LRRC27: variants seen among roughly 807,000 people sequenced by gnomAD.
The protein encoded by LRRC27 is leucine rich repeat containing 27.
A neutral mutation model predicts 55.0 loss-of-function variants in LRRC27; 57 were observed. That is an observed-to-expected ratio of 1.04 (90% CI 0.84 to 1.29). LRRC27 has a LOEUF of 1.29. Ranked by LOEUF, LRRC27 falls within the 50% of genes most tolerant of loss-of-function variation. The pLI is 0.00. For synonymous variants in LRRC27, 278 were observed against 251.9 expected, an observed-to-expected ratio of 1.10 and a Z score of -0.98; for missense variants, 721 against 651.5, an observed-to-expected ratio of 1.11 and a Z score of -1.16.
At chr10:132,366,214 G>C (rs1206238001) in intron 10 of LRRC27, 3 of 154,364 alleles carry the variant, frequency 1.9e-5, no homozygotes, top group Admixed American at 1.9e-4. Flanking sequence ...TGTGGGCCCA[G>C]GGCTGGGCCA....
At chr10:132,331,200 CAAAAA>C (rs35734065), upstream of LRRC27, among the ~76,000 whole-genome samples, 720 of 56,310 alleles carry the variant, frequency 0.013, 10 homozygotes, top group African/African-American at 0.047. Context: ...GACTCCACCT[CAAAAA>C]AAAAAAAAAA....
intron 8 of LRRC27, among the ~76,000 whole-genome samples, chr10:132,358,566 T>C (rs1424953625): frequency 3.5e-4 from 12 of 34,404 alleles, no homozygotes; most frequent in South Asian, 2.8e-3. Context: ...GGTGGAGCAG[T>C]GTGGGGAGGA....
At chr10:132,343,006 T>G (rs2067492106) in intron 4 of LRRC27, among the ~76,000 whole-genome samples, 1 of 152,136 alleles carries the variant, frequency 6.6e-6, no homozygotes, top group Non-Finnish European at 1.5e-5. Flanking sequence ...TAAAACTCAT[T>G]AGTTTAAAAG....
rs2068351150 is a variant in LRRC27, at chr10:132,357,248, C to T, written c.1170+1362C>T. 2.0e-5 allele frequency among the ~76,000 whole-genome samples: 3 copies of T among 152,234 alleles called. No homozygotes were observed. The South Asian group carries it at 6.2e-4, about 31-fold the overall frequency. ...CACCCTTCTCAGGTCCCAGGCCCCA[C>T]AGGACACTCAGTCGCCATCTTTGCT... On this transcript the variant is annotated intron_variant, in intron 8 of 10. Coordinates refer to ENST00000368614, the MANE Select transcript of LRRC27 (RefSeq NM_030626.3).
rs949020802 is a variant in LRRC27 at position 132,372,574 on chromosome 10, A to G, written c.1417-2492A>G. On this transcript the variant is annotated intron_variant, in intron 10 of 10. Coordinates refer to ENST00000368614, the MANE Select transcript of LRRC27 (RefSeq NM_030626.3). The surrounding 1 kb of genome is among the most constrained non-coding windows in gnomAD (Gnocchi z 4.0). The stretch of plus-strand genomic sequence containing the variant: ...CAAGAGCGAAACTCCATTTCAAAAA[A>G]CAAAAAGGAAGCGGAGTCTATACAG... 5.4e-4 allele frequency among the ~76,000 whole-genome samples: 82 copies of G among 152,136 alleles called. No individual in the cohort carries two copies. The highest frequency in any genetic ancestry group is 1.9e-3 in the African/African-American group (79 of 41,422).
intron 4 of LRRC27, among the ~76,000 whole-genome samples, chr10:132,342,938 TA>T (rs1295413488): frequency 6.6e-6 from 1 of 152,200 alleles, no homozygotes; most frequent in Non-Finnish European, 1.5e-5. Context: ...CATGTATACA[TA>T]AAAGTACAAA....
chr10:132,337,444 T>G (rs1490539785), intron 2 of LRRC27, 121 bp from the exon 3 acceptor site: 2 of 1,447,284 alleles, frequency 1.4e-6, no homozygotes, highest in African/African-American at 2.9e-5. Context: ...GTTTTTGTTT[T>G]TTAACTTAGT....
intron 2 of LRRC27, chr10:132,337,326 C>G: frequency 7.6e-7 from 1 of 1,319,714 alleles, no homozygotes; most frequent in Non-Finnish European, 9.6e-7. Context: ...AGAGTGCCGG[C>G]TCTTCAGGAA....
intron 7 of LRRC27, among the ~76,000 whole-genome samples, chr10:132,352,450 C>T (rs1296065895): frequency 8.4e-5 from 6 of 71,830 alleles, no homozygotes; most frequent in Non-Finnish European, 1.2e-4. Flanking sequence ...TGCAGCGCTC[C>T]GTGTGGGGCA....
At chr10:132,370,892 TC>T (rs2069197053) in intron 10 of LRRC27, among the ~76,000 whole-genome samples, 1 of 152,214 alleles carries the variant, frequency 6.6e-6, no homozygotes, top group African/African-American at 2.4e-5. Context: ...ATGCCAGCCC[TC>T]CCTGCAGGTG....
upstream of LRRC27, chr10:132,330,152 G>A: frequency 2.7e-6 from 1 of 373,488 alleles, no homozygotes; most frequent in East Asian, 5.2e-5. Context: ...CAATCTGGCT[G>A]GGCAAAAACT....
At chr10:132,336,376 A>T (rs957216692) in intron 2 of LRRC27, among the ~76,000 whole-genome samples, 5 of 152,198 alleles carry the variant, frequency 3.3e-5, no homozygotes, top group Non-Finnish European at 5.9e-5. Flanking sequence ...CTTTCTGGAG[A>T]CCGAGCCAGC....
chr10:132,365,613 T>G (rs1179912328), intron 10 of LRRC27, 63 bp downstream of exon 10: 1 of 1,568,676 alleles, frequency 6.4e-7, no homozygotes. Flanking sequence ...TTTGTTTTTG[T>G]TTTTTTGAGA....
At position 132,333,735 on chromosome 10, in the gene LRRC27, G is replaced by T; in HGVS notation, c.210+1G>T. 1 of 1,611,618 alleles carries T rather than the reference G, an allele frequency of 6.2e-7. No individual in the cohort carries two copies. The highest frequency in any genetic ancestry group is 8.5e-7 in the Non-Finnish European group (1 of 1,179,368). ...GGTCTTTAGAATCCCCAGCCTTCAA[G>T]TAAGTGGGGCTGCTCCTCAGGCTGT... is the stretch of plus-strand genomic sequence containing the variant. On this transcript the variant is annotated splice_donor_variant, in intron 2 of 10. Coordinates refer to ENST00000368614, the MANE Select transcript of LRRC27 (RefSeq NM_030626.3). LOFTEE classifies it high-confidence loss of function.
chr10:132,330,264 T>G, upstream of LRRC27: 1 of 572,496 alleles, frequency 1.7e-6, no homozygotes, highest in Non-Finnish European at 3.2e-6. Context: ...GAGGCAACAA[T>G]AACAAGCAAG....
chr10:132,375,401 G>A lies in LRRC27; in HGVS notation c.*159G>A, dbSNP rs1299755440. 1.3e-5 allele frequency: 8 copies of A among 607,734 alleles called. No homozygotes were observed. Among genetic ancestry groups the A allele is most frequent in the South Asian group, 8.6e-5 (4 of 46,496 alleles). 37.6% of individuals were successfully genotyped at this position (607,734 alleles called of 1,614,324 possible). A position where few individuals can be genotyped will look rare whatever the true frequency, so the allele number is the denominator to read the frequency against. On this transcript the variant is annotated 3_prime_UTR_variant, in exon 11 of 11. Coordinates refer to ENST00000368614, the MANE Select transcript of LRRC27 (RefSeq NM_030626.3). ...TGTTGTTTTCCTTAGACAGGTCCAC[G>A]TCCCTCTCCTGAGGCTGTGGAAGAT...
At chr10:132,361,280 C>T (rs545351733) in intron 8 of LRRC27, among the ~76,000 whole-genome samples, 177 bp from the exon 9 acceptor site, 19 of 152,354 alleles carry the variant, frequency 1.2e-4, no homozygotes, top group Admixed American at 3.3e-4. Flanking sequence ...CAGTAGGGCG[C>T]GAGAGCTAGC....
rs941993061 is a variant in LRRC27 at position 132,332,195 on chromosome 10, T to A, written c.-110T>A. 1 of 155,992 alleles carries A rather than the reference T, an allele frequency of 6.4e-6. No individual in the cohort carries two copies. Among genetic ancestry groups the A allele is most frequent in the Non-Finnish European group, 1.4e-5 (1 of 70,716 alleles). The allele number at this position is 155,992 out of a possible 1,614,324, so 9.7% of individuals were successfully genotyped here. The stretch of plus-strand genomic sequence containing the variant: ...ACCGCGTTGGCTGGGTGGCCTCCAT[T>A]GTCGGGCTGCTGCTCTCAGCGGCGG... On this transcript the variant is annotated 5_prime_UTR_variant, in exon 1 of 11. Transcript: ENST00000368614.
Position 132,365,418 on chromosome 10 carries a change from T to A in LRRC27, c.1290-6T>A. 6.2e-7 allele frequency: 1 copy of A among 1,613,466 alleles called. No individual in the cohort carries two copies. On this transcript the variant is annotated splice_region_variant and splice_polypyrimidine_tract_variant and intron_variant, in intron 9 of 10. Coordinates refer to ENST00000368614, the MANE Select transcript of LRRC27 (RefSeq NM_030626.3). ...GTCATTTCCCTCTTTGCCCTTTGTT[T>A]CTCAGTGCCCTGCAGGAGAGAAATT...
Sources: gnomAD v4.1 joint callset for allele counts (sites outside exome capture counted in the v4.1 genomes callset) on GRCh38, gnomAD v4.1.1 for gene constraint, Gnocchi (gnomAD v3.1) non-coding constraint, MANE v1.5 for transcripts, NCBI Gene and HGNC (gene_info 2026-07-23, HGNC 2026-07-21) for gene names.